Variants in VCL observed in about 807,000 individuals in gnomAD.
VCL encodes epididymis luminal protein 114.
In VCL, 47 loss-of-function variants were observed where a neutral mutation model predicts 125.7. That is an observed-to-expected ratio of 0.37 (90% CI 0.30 to 0.48). VCL has a LOEUF of 0.48. VCL is among the 20% of genes least tolerant of loss of function. The probability of loss-of-function intolerance (pLI) is 0.99; values close to 1 mark genes in which losing one functional copy is unlikely to be tolerated. For synonymous variants in VCL, 458 were observed against 514.6 expected, an observed-to-expected ratio of 0.89 and a Z score of 1.49; for missense variants, 1,069 against 1,455.5, an observed-to-expected ratio of 0.73 and a Z score of 4.32.
intron 2 of VCL, chr10:74,063,620 G>C (rs1841514371): frequency 6.6e-6 from 1 of 152,154 alleles, no homozygotes; most frequent in African/African-American, 2.4e-5. Context: ...TGCTATAATA[G>C]TCTTTGAAGA....
intron 1 of VCL, among the ~76,000 whole-genome samples, chr10:74,003,334 G>A (rs1840265282): frequency 6.6e-6 from 1 of 152,178 alleles, no homozygotes; most frequent in Non-Finnish European, 1.5e-5. Context: ...AAAAATAGGA[G>A]AAGGGCACAA....
At chr10:74,111,566 A>G (rs557534717) in intron 18 of VCL, among the ~76,000 whole-genome samples, 1 of 152,320 alleles carries the variant, frequency 6.6e-6, no homozygotes, top group East Asian at 1.9e-4. Context: ...CCTCAGAAAT[A>G]TTCTCATGTG....
intron 2 of VCL, among the ~76,000 whole-genome samples, chr10:74,053,337 A>G (rs977761573): frequency 2.6e-5 from 4 of 152,270 alleles, no homozygotes; most frequent in Non-Finnish European, 5.9e-5. Context: ...AATTTTATCC[A>G]ACCTTCCAAT....
chr10:74,095,895 T>A lies in VCL; in HGVS notation c.1743+40T>A, dbSNP rs1368639345. ...CACATATCATTTTACTTTTTATGCT[T>A]CCTATTATTGAAAGACGAGGGAAGG... On this transcript the variant is annotated intron_variant, in intron 12 of 21. Transcript: ENST00000211998. 18 of 1,601,886 alleles carry A rather than the reference T, an allele frequency of 1.1e-5. No homozygotes were observed. In the Admixed American group the frequency reaches 3.0e-4, roughly 27 times the overall value.
intron 2 of VCL, among the ~76,000 whole-genome samples, chr10:74,053,904 ATTTTT>A (rs1242192811): frequency 2.0e-5 from 3 of 152,024 alleles, no homozygotes; most frequent in African/African-American, 7.2e-5. Context: ...TACCACTTTA[ATTTTT>A]AAATTAGAGA....
chr10:74,089,989 T>A (rs1323531783), intron 9 of VCL, 34 bp from the exon 10 acceptor site: 1 of 1,614,040 alleles, frequency 6.2e-7, no homozygotes, highest in Non-Finnish European at 8.5e-7. Context: ...TGTGAGTAGA[T>A]CACAGCGTGC....
At chr10:74,052,042 G>T (rs982980561) in intron 2 of VCL, among the ~76,000 whole-genome samples, 2 of 152,116 alleles carry the variant, frequency 1.3e-5, no homozygotes, top group Non-Finnish European at 2.9e-5. Flanking sequence ...GGTGATTTGT[G>T]CAGAAATTTC....
chr10:74,093,971 G>C (rs755073816), intron 10 of VCL, among the ~76,000 whole-genome samples: 2 of 152,236 alleles, frequency 1.3e-5, no homozygotes, highest in Non-Finnish European at 2.9e-5. Context: ...TGTTTTCAGA[G>C]GTGGCAGGCA....
intron 8 of VCL, among the ~76,000 whole-genome samples, chr10:74,085,421 G>A (rs185132281): frequency 9.3e-4 from 142 of 152,244 alleles, no homozygotes; most frequent in Non-Finnish European, 1.4e-3. Context: ...ATTTAACTAG[G>A]TTATCCTCTA....
intron 2 of VCL, among the ~76,000 whole-genome samples, chr10:74,046,443 C>T (rs916326325): frequency 1.1e-4 from 16 of 152,278 alleles, no homozygotes; most frequent in Non-Finnish European, 2.2e-4. Context: ...TAAGGTCTCC[C>T]TGTTGCCCAG....
In VCL at chr10:74,103,877, C is replaced by T; in HGVS notation, c.2080C>T (p.His694Tyr). 3.7e-6 allele frequency: 6 copies of T among 1,614,104 alleles called. No homozygotes were observed. Among genetic ancestry groups the T allele is most frequent in the Non-Finnish European group, 5.1e-6 (6 of 1,179,994 alleles). The change falls in exon 15 of 22, where the codon CAT becomes TAT. Residue 694 changes from histidine (H) to tyrosine (Y), a missense_variant. Around this residue, in one of 6 missense-constraint regions of VCL, gnomAD observed 760 missense variants for 928.9 expected, o/e 0.82. Transcript: ENST00000211998. ...RNPGNQAAYE[H>Y]FETMKNQWID... ...CCCTGGAAATCAAGCTGCTTATGAA[C>T]ATTTTGAGACCATGAAGAACCAGTG...
intron 2 of VCL, among the ~76,000 whole-genome samples, chr10:74,066,322 G>T (rs2136269796): frequency 6.6e-6 from 1 of 152,090 alleles, no homozygotes; most frequent in East Asian, 1.9e-4. Context: ...GCCTCCCAAA[G>T]TGCTGAGATT....
chr10:74,101,217 C>A, intron 14 of VCL, 120 bp downstream of exon 14: 1 of 1,377,562 alleles, frequency 7.3e-7, no homozygotes, highest in Non-Finnish European at 1.0e-6. Flanking sequence ...CAGGCCAGCA[C>A]GGTAGCACCT....
intron 6 of VCL, among the ~76,000 whole-genome samples, chr10:74,079,562 A>T (rs1378768219): frequency 1.3e-5 from 2 of 152,352 alleles, no homozygotes; most frequent in African/African-American, 4.8e-5. Flanking sequence ...TTCACCCTTT[A>T]TAAATATATC....
At chr10:74,109,244 T>G in intron 18 of VCL, 88 bp downstream of exon 18, 2 of 1,518,824 alleles carry the variant, frequency 1.3e-6, no homozygotes, top group East Asian at 4.6e-5. Flanking sequence ...AGAGTCTATT[T>G]GGAGTCACCC....
intron 1 of VCL, among the ~76,000 whole-genome samples, chr10:74,009,883 C>T (rs1465143142): frequency 2.0e-5 from 3 of 152,036 alleles, no homozygotes; most frequent in Non-Finnish European, 4.4e-5. Context: ...GTTGGGATTA[C>T]AGGCATGAAC....
At position 74,107,316 on chromosome 10, in the gene VCL, G is replaced by C. The variant is rs150385900; in HGVS notation, c.2521G>C (p.Asp841His). The change falls in exon 17 of 22, where the codon GAC (aspartate) becomes CAC (histidine). Residue 841 changes from aspartate (D) to histidine (H), a missense_variant. Transcript: ENST00000211998. ...VREAFQPQEP[D>H]FPPPPPDLEQ... The stretch of plus-strand genomic sequence containing the variant: ...AGAAGCCTTCCAACCTCAGGAGCCT[G>C]ACTTCCCGCCGCCTCCACCAGACCT... 3.4e-4 allele frequency: 550 copies of C among 1,614,200 alleles called. 1 individual carries two copies. In the East Asian group the frequency reaches 9.5e-3, roughly 28 times the overall value.
chr10:74,024,050 T>C (rs1353006549), intron 1 of VCL, among the ~76,000 whole-genome samples: 1 of 152,158 alleles, frequency 6.6e-6, no homozygotes, highest in Non-Finnish European at 1.5e-5. Flanking sequence ...ATCATAAAGG[T>C]TACTCTTTTC....
At chr10:74,104,914 T>G (rs1840108574) in intron 15 of VCL, 137 bp from the exon 16 acceptor site, 1 of 980,762 alleles carries the variant, frequency 1.0e-6, no homozygotes, top group African/African-American at 1.6e-5. Flanking sequence ...AGCTTTTGAT[T>G]ATGTAGGAAG....
Sources: allele counts gnomAD v4.1 joint callset (sites outside exome capture counted in the v4.1 genomes callset), GRCh38; gene constraint gnomAD v4.1.1; regional missense constraint gnomAD v4.1.1; transcripts MANE v1.5; gene names NCBI Gene and HGNC (gene_info 2026-07-23, HGNC 2026-07-21).